The following ADGRD1 variants were observed in gnomAD, a reference collection of about 807,000 sequenced individuals.
ADGRD1 encodes the protein G-protein coupled receptor 133.
In ADGRD1, 77 loss-of-function variants were observed where a neutral mutation model predicts 113.4. That is an observed-to-expected ratio of 0.68 (90% CI 0.57 to 0.82). The LOEUF is 0.82. ADGRD1 is among the 40% of genes least tolerant of loss of function. ADGRD1 has a pLI of 0.00. For synonymous variants in ADGRD1, 474 were observed against 475.0 expected (o/e 1.00, Z 0.03); for missense variants, 1,036 against 1,139.1 (o/e 0.91, Z 1.30).
chr12:131,004,858 A>C (rs553032910), intron 11 of ADGRD1, among the ~76,000 whole-genome samples: 1 of 152,324 alleles, frequency 6.6e-6, no homozygotes, highest in South Asian at 2.1e-4. Flanking sequence ...TTGGGAGCCC[A>C]GATGGCCCTG....
chr12:130,994,238 G>A (rs1175698752), intron 8 of ADGRD1: 2 of 453,412 alleles, frequency 4.4e-6, no homozygotes, highest in Non-Finnish European at 8.9e-6. Flanking sequence ...AGGACCGGGC[G>A]TGAGGCCCCG....
At chr12:131,012,824 C>T (rs971441218) in intron 12 of ADGRD1, among the ~76,000 whole-genome samples, 6 of 152,172 alleles carry the variant, frequency 3.9e-5, no homozygotes, top group East Asian at 1.9e-4. Context: ...AGTCAGTCAG[C>T]GCTTTGGATG....
intron 8 of ADGRD1, among the ~76,000 whole-genome samples, chr12:130,996,873 G>A (rs1361500681): frequency 1.1e-4 from 12 of 114,072 alleles, no homozygotes; most frequent in African/African-American, 1.4e-4. Flanking sequence ...GTGGCTGGCC[G>A]GGCAGAGGGG....
chr12:130,969,002 G>T (rs1300495948), intron 3 of ADGRD1: 1 of 1,535,132 alleles, frequency 6.5e-7, no homozygotes, highest in Admixed American at 2.0e-5. Flanking sequence ...AGCTCACTGT[G>T]CTTCCTTCCC....
In ADGRD1 at chr12:131,003,744, C is replaced by A. The variant is rs1036513735; in HGVS notation, c.1144+442C>A. 6.6e-6 allele frequency among the ~76,000 whole-genome samples: 1 copy of A among 152,246 alleles called. No individual in the cohort carries two copies. The highest frequency in any genetic ancestry group is 2.4e-5 in the African/African-American group (1 of 41,468). On this transcript the variant is annotated intron_variant, in intron 10 of 24. Coordinates refer to ENST00000261654, the MANE Select transcript of ADGRD1 (RefSeq NM_198827.5). This position sits in a 1 kb window ranked among gnomAD's most constrained non-coding sequence, Gnocchi z 4.8. Reference sequence around the variant, plus strand: ...AAGTCTTTACCAGGAGTGCATTATCCTGCTGATACTTCGCTGCAAGAGCCG... The same window carrying A: ...AAGTCTTTACCAGGAGTGCATTATCATGCTGATACTTCGCTGCAAGAGCCG...
In ADGRD1 at chr12:131,060,597, C is replaced by T. The variant is rs1175417396; in HGVS notation, c.1474-16204C>T. Among the ~76,000 whole-genome samples, 1 of 152,174 alleles carries T rather than the reference C, an allele frequency of 6.6e-6. No individual in the cohort carries two copies. The highest frequency in any genetic ancestry group is 2.4e-5 in the African/African-American group (1 of 41,434). ...ACACCAGCAGCCTCTCCAGGGGCAT[C>T]AGCAGCCGTACCACTAAACCAGAGG... On this transcript the variant is annotated intron_variant, in intron 13 of 24. Transcript: ENST00000261654. The surrounding 1 kb of genome is among the most constrained non-coding windows in gnomAD (Gnocchi z 4.4).
At chr12:131,099,467 A>G (rs1158978253) in intron 15 of ADGRD1, among the ~76,000 whole-genome samples, 1 of 152,220 alleles carries the variant, frequency 6.6e-6, no homozygotes, top group Non-Finnish European at 1.5e-5. Context: ...CACTATCAGG[A>G]TCACCTAGAT....
At chr12:131,070,630 C>T (rs1885082025) in intron 13 of ADGRD1, 1 of 317,024 alleles carries the variant, frequency 3.2e-6, no homozygotes, top group African/African-American at 2.2e-5. Context: ...CTGCGTCATC[C>T]AGGTGAGAGG....
intron 13 of ADGRD1, among the ~76,000 whole-genome samples, chr12:131,058,973 T>TG (rs1181617672): frequency 2.6e-5 from 4 of 152,192 alleles, no homozygotes; most frequent in Non-Finnish European, 5.9e-5. Flanking sequence ...CTTCTCTTTA[T>TG]GGGGCTGCAG....
intron 13 of ADGRD1, among the ~76,000 whole-genome samples, chr12:131,029,852 C>G (rs1466001601): frequency 3.4e-5 from 2 of 59,022 alleles, no homozygotes; most frequent in East Asian, 6.5e-4. Flanking sequence ...TTGCGGACCC[C>G]TCGTTCGGTG....
rs145636240 is a variant in ADGRD1 at position 131,008,961 on chromosome 12, C to T, written c.1331+2914C>T. On this transcript the variant is annotated intron_variant, in intron 12 of 24. Coordinates refer to ENST00000261654, the MANE Select transcript of ADGRD1 (RefSeq NM_198827.5). Reference sequence around the variant, plus strand: ...GAGCACCGATGGAACCAGTAGGTCACGGTTCTGCAGCCCTCAGTGCAGTAA... The same window carrying T: ...GAGCACCGATGGAACCAGTAGGTCATGGTTCTGCAGCCCTCAGTGCAGTAA... Among the ~76,000 whole-genome samples, 24 of 152,330 alleles carry T rather than the reference C, an allele frequency of 1.6e-4. No homozygotes were observed. The East Asian group carries it at 2.9e-3, about 18-fold the overall frequency.
chr12:131,120,903 T>C lies in ADGRD1; in HGVS notation c.2165T>C (p.Phe722Ser). 6 of 1,614,142 alleles carry C rather than the reference T, an allele frequency of 3.7e-6. No individual in the cohort carries two copies. The highest frequency in any genetic ancestry group is 5.1e-6 in the Non-Finnish European group (6 of 1,180,016). Residue 722 changes from phenylalanine (F) to serine (S), a missense_variant, in exon 20 of 25, where the codon TTT becomes TCT. Phe to Ser is a radical substitution (Grantham distance 155). Transcript: ENST00000261654. ...AIWAFVAPAL[F>S]VIVVNIGILI... ...TGGGCCTTTGTAGCCCCTGCCCTGT[T>C]TGTCATCGTGGTACGTTTCCTACCC...
rs1466765742 is a variant in ADGRD1 at position 130,954,433 on chromosome 12, A to T, written c.-33A>T. On this transcript the variant is annotated 5_prime_UTR_variant, in exon 1 of 25. Transcript: ENST00000261654. The surrounding 1 kb of genome is among the most constrained non-coding windows in gnomAD (Gnocchi z 4.7). ...GTTCTCACAGACCCTCAGGAATTTC[A>T]CTTGGCTCCGAGCTTTGACCTCCGA... 1.3e-6 allele frequency: 2 copies of T among 1,520,612 alleles called. No homozygotes were observed. Among genetic ancestry groups the T allele is most frequent in the African/African-American group, 1.4e-5 (1 of 71,598 alleles). 94.2% of individuals were successfully genotyped at this position (1,520,612 alleles called of 1,614,324 possible). A position where few individuals can be genotyped will look rare whatever the true frequency, so the allele number is the denominator to read the frequency against.
rs184974036 is a variant in ADGRD1, at chr12:130,998,050, G to A, written c.967-2333G>A. Among the ~76,000 whole-genome samples the A allele has an allele frequency of 1.8e-3, 274 of 152,272 alleles. 1 individual carries two copies. Among genetic ancestry groups the A allele is most frequent in the African/African-American group, 6.4e-3 (264 of 41,560 alleles). ...AACCCCGTCTCCACCAAAAAAAAAC[G>A]AAAACCAGTCAGGCATGGCAGGCTG... On this transcript the variant is annotated intron_variant, in intron 8 of 24. Transcript: ENST00000261654.
intron 13 of ADGRD1, among the ~76,000 whole-genome samples, chr12:131,039,743 A>G (rs568919654): frequency 9.2e-5 from 14 of 152,344 alleles, no homozygotes; most frequent in Non-Finnish European, 1.9e-4. Flanking sequence ...CGCTAAGCCC[A>G]GGCTCACGCT....
intron 19 of ADGRD1, among the ~76,000 whole-genome samples, chr12:131,119,142 C>A (rs1027265313): frequency 2.0e-5 from 3 of 152,182 alleles, no homozygotes; most frequent in African/African-American, 7.2e-5. Context: ...GTCCTAGCCA[C>A]GCTGAGAAAC....
At position 131,103,521 on chromosome 12, in the gene ADGRD1, C is replaced by T. The variant is rs370045699; in HGVS notation, c.1672-1310C>T. ...TTGAAGGCGGTGCTTGCTGAGTGTT[C>T]GGGCTTCCCATGGCCCCCTGGCCCC... On this transcript the variant is annotated intron_variant, in intron 15 of 24. Transcript: ENST00000261654. Among the ~76,000 whole-genome samples, 14 of 152,368 alleles carry T rather than the reference C, an allele frequency of 9.2e-5. No homozygotes were observed. In the East Asian group the frequency reaches 1.2e-3, roughly 13 times the overall value.
intron 2 of ADGRD1, chr12:130,956,274 A>C (rs1869568911): frequency 6.6e-6 from 1 of 152,258 alleles, no homozygotes; most frequent in African/African-American, 2.4e-5. Flanking sequence ...CGGCAGCCCC[A>C]TGCCAGGATG....
Position 131,084,721 on chromosome 12 carries a change from TG to T in ADGRD1, c.1671+63del. 4 of 1,572,554 alleles carry T rather than the reference TG, an allele frequency of 2.5e-6. No homozygotes were observed. ...GGGGGACGTACCATGAGGCTGCAGG[TG>T]GGGGCGGGAGGATGCTTTGCCCGCC... On this transcript the variant is annotated intron_variant, in intron 15 of 24. Transcript: ENST00000261654. The surrounding 1 kb of genome is among the most constrained non-coding windows in gnomAD (Gnocchi z 4.5).
Sources: allele counts gnomAD v4.1 joint callset (sites outside exome capture counted in the v4.1 genomes callset), GRCh38; gene constraint gnomAD v4.1.1; non-coding constraint Gnocchi (gnomAD v3.1); transcripts MANE v1.5; gene names NCBI Gene and HGNC (gene_info 2026-07-23, HGNC 2026-07-21).